ADK: variants seen among roughly 807,000 people sequenced by gnomAD.
The protein encoded by ADK is adenosine kinase.
ADK carries 24 observed loss-of-function variants against 44.7 expected under a neutral mutation model. The observed-to-expected ratio is 0.54, with a 90% CI of 0.39 to 0.76. ADK has a LOEUF of 0.76. ADK is among the 30% of genes least tolerant of loss of function. The pLI is 0.00. For synonymous variants in ADK, 128 were observed against 142.6 expected, an observed-to-expected ratio of 0.90 and a Z score of 0.73; for missense variants, 321 against 425.1, an observed-to-expected ratio of 0.76 and a Z score of 2.15.
At chr10:74,700,508 G>A (rs990325470) in intron 10 of ADK, among the ~76,000 whole-genome samples, 33 of 152,264 alleles carry the variant, frequency 2.2e-4, no homozygotes, top group African/African-American at 7.7e-4. Flanking sequence ...CTCCCAAAGT[G>A]CTGGGATTAC....
chr10:74,280,391 C>T (rs555871299), intron 3 of ADK, among the ~76,000 whole-genome samples: 184 of 138,900 alleles, frequency 1.3e-3, no homozygotes, highest in African/African-American at 4.6e-3. Context: ...TGTGAGCCAC[C>T]GCGCCCGGCC....
chr10:74,365,828 A>G (rs891090102), intron 4 of ADK, among the ~76,000 whole-genome samples: 25 of 152,168 alleles, frequency 1.6e-4, no homozygotes, highest in African/African-American at 5.8e-4. Flanking sequence ...TTCACCAGCA[A>G]CTTATGAGGG....
intron 6 of ADK, among the ~76,000 whole-genome samples, chr10:74,407,217 A>G (rs531025940): frequency 2.0e-5 from 3 of 152,034 alleles, no homozygotes; most frequent in Non-Finnish European, 2.9e-5. Context: ...CGACCTCCCA[A>G]ATTGCTGGGA....
At chr10:74,458,967 C>T (rs946866021) in intron 6 of ADK, among the ~76,000 whole-genome samples, 1 of 151,968 alleles carries the variant, frequency 6.6e-6, no homozygotes, top group Admixed American at 6.6e-5. Flanking sequence ...AGCAATTTTT[C>T]CTAAAATATA....
At chr10:74,556,206 G>A (rs751695948) in intron 7 of ADK, among the ~76,000 whole-genome samples, 4 of 152,102 alleles carry the variant, frequency 2.6e-5, no homozygotes, top group Non-Finnish European at 4.4e-5. Flanking sequence ...ATGCCCATTT[G>A]CTCTCCTTTT....
intron 5 of ADK, among the ~76,000 whole-genome samples, chr10:74,397,521 A>C (rs935105212): frequency 2.6e-5 from 4 of 151,982 alleles, no homozygotes; most frequent in Non-Finnish European, 4.4e-5. Flanking sequence ...TGACACTTGT[A>C]GCAGGATTTT....
intron 6 of ADK, among the ~76,000 whole-genome samples, chr10:74,427,725 G>C (rs374299652): frequency 1.1e-5 from 1 of 87,370 alleles, no homozygotes; most frequent in African/African-American, 4.6e-5. Context: ...ATATGTATAT[G>C]TATGTGTGTG....
At chr10:74,191,727 G>C (rs891909386) in intron 1 of ADK, among the ~76,000 whole-genome samples, 1 of 152,036 alleles carries the variant, frequency 6.6e-6, no homozygotes, top group African/African-American at 2.4e-5. Context: ...AGCTGATTTC[G>C]GTGTTATACA....
In ADK at chr10:74,401,881, G is replaced by A. The variant is rs187801228; in HGVS notation, c.555+3302G>A. ...CATGTTTTTGCAGTGGCTGGTACCC[G>A]TTGTTCTTTCCATGTTTAGTGCTTC... is the stretch of plus-strand genomic sequence containing the variant. On this transcript the variant is annotated intron_variant, in intron 6 of 10. Coordinates refer to ENST00000539909, the MANE Select transcript of ADK (RefSeq NM_006721.4). Among the ~76,000 whole-genome samples the A allele has an allele frequency of 9.7e-4, 148 of 152,236 alleles. 2 individuals carry two copies. Among genetic ancestry groups the A allele is most frequent in the African/African-American group, 3.1e-3 (128 of 41,520 alleles).
intron 4 of ADK, among the ~76,000 whole-genome samples, chr10:74,334,954 T>C (rs566966497): frequency 6.6e-5 from 10 of 152,316 alleles, no homozygotes; most frequent in Non-Finnish European, 1.2e-4. Context: ...CAAGACTTTA[T>C]TGGGGAAAAG....
intron 2 of ADK, among the ~76,000 whole-genome samples, chr10:74,223,042 A>T (rs577830356): frequency 6.6e-6 from 1 of 152,200 alleles, no homozygotes; most frequent in African/African-American, 2.4e-5. Flanking sequence ...TAAAAAGTGA[A>T]TTTTAGGCCA....
intron 3 of ADK, among the ~76,000 whole-genome samples, chr10:74,224,974 T>C (rs1449516464): frequency 6.6e-6 from 1 of 152,274 alleles, no homozygotes; most frequent in Admixed American, 6.5e-5. Context: ...TGGGTCTTAC[T>C]CCGGTGGATC....
chr10:74,306,530 T>TC (rs1840253721), intron 3 of ADK, among the ~76,000 whole-genome samples: 1 of 152,232 alleles, frequency 6.6e-6, no homozygotes, highest in Non-Finnish European at 1.5e-5. Flanking sequence ...TTAGTCAAAT[T>TC]ATTTTACCTC....
intron 7 of ADK, among the ~76,000 whole-genome samples, chr10:74,557,216 C>T (rs1348922301): frequency 6.6e-6 from 1 of 152,246 alleles, no homozygotes; most frequent in Non-Finnish European, 1.5e-5. Context: ...GGTCTTCAAA[C>T]ACAAATTAGT....
chr10:74,466,598 C>T (rs557934854), intron 6 of ADK, among the ~76,000 whole-genome samples: 1 of 152,216 alleles, frequency 6.6e-6, no homozygotes, highest in South Asian at 2.1e-4. Context: ...CTCGCAAGTC[C>T]CATAAATACC....
At position 74,471,708 on chromosome 10, in the gene ADK, G is replaced by C. The variant is rs542780959; in HGVS notation, c.556-53548G>C. Among the ~76,000 whole-genome samples, 45 of 152,118 alleles carry C rather than the reference G, an allele frequency of 3.0e-4. No individual in the cohort carries two copies. In the South Asian group the frequency reaches 8.9e-3, roughly 30 times the overall value. On this transcript the variant is annotated intron_variant, in intron 6 of 10. Coordinates refer to ENST00000539909, the MANE Select transcript of ADK (RefSeq NM_006721.4). ...TCATCAATGTTTTGTGGTTTTCAAT[G>C]TAAAAATCTTGTGCCTCCTTGGTTA...
chr10:74,375,122 C>T (rs1452352313), intron 4 of ADK, among the ~76,000 whole-genome samples: 1 of 152,100 alleles, frequency 6.6e-6, no homozygotes, highest in Non-Finnish European at 1.5e-5. Context: ...ATGAATCAGA[C>T]TCCCCTTACA....
intron 4 of ADK, among the ~76,000 whole-genome samples, chr10:74,385,919 G>A (rs533999053): frequency 6.6e-6 from 1 of 152,212 alleles, no homozygotes; most frequent in South Asian, 2.1e-4. Context: ...GGAAAGAACA[G>A]GATTATTAGA....
At chr10:74,238,770 A>G (rs1845075859) in intron 3 of ADK, among the ~76,000 whole-genome samples, 1 of 152,022 alleles carries the variant, frequency 6.6e-6, no homozygotes, top group Non-Finnish European at 1.5e-5. Flanking sequence ...AAAGAAACAA[A>G]CAAAATTACT....
Sources: allele counts gnomAD v4.1 joint callset (sites outside exome capture counted in the v4.1 genomes callset), GRCh38; gene constraint gnomAD v4.1.1; transcripts MANE v1.5; gene names NCBI Gene and HGNC (gene_info 2026-07-23, HGNC 2026-07-21).